Variants in STK39 observed in about 807,000 individuals in gnomAD.
STK39 encodes the protein STE20/SPS1-related proline-alanine-rich protein kinase.
Under a neutral mutation model 77.8 loss-of-function variants are expected in STK39, and 20 were observed. That is an observed-to-expected ratio of 0.26 (90% confidence interval 0.18 to 0.37). The LOEUF (loss-of-function observed/expected upper bound fraction) is 0.37, where lower values mean the gene tolerates loss of function less well. Ranked by LOEUF, STK39 falls within the 10% of genes least tolerant of loss-of-function variation. The pLI, the probability that STK39 is intolerant of heterozygous loss-of-function variation, is 1.00. For synonymous variants in STK39, 246 were observed against 234.1 expected, an observed-to-expected ratio of 1.05 and a Z score of -0.47; for missense variants, 479 against 656.5, an observed-to-expected ratio of 0.73 and a Z score of 2.95.
chr2:168,193,859 G>A (rs1470816029), intron 1 of STK39, among the ~76,000 whole-genome samples: 9 of 152,170 alleles, frequency 5.9e-5, no homozygotes, highest in Non-Finnish European at 1.5e-5. Flanking sequence ...CACATTTTCA[G>A]TTGCTACCAC....
intron 1 of STK39, among the ~76,000 whole-genome samples, chr2:168,200,673 T>C (rs1167099828): frequency 8.8e-6 from 1 of 113,844 alleles, no homozygotes; most frequent in Non-Finnish European, 1.7e-5. Flanking sequence ...CAAGACTCTG[T>C]CTCAAAACAT....
At chr2:168,004,995 C>CTT (rs1684090327) in intron 16 of STK39, among the ~76,000 whole-genome samples, 2 of 123,138 alleles carry the variant, frequency 1.6e-5, no homozygotes, top group African/African-American at 3.1e-5. Flanking sequence ...ACAGAAGGCC[C>CTT]TCTTTTTTTT....
chr2:168,182,732 A>C (rs577797961), intron 1 of STK39, among the ~76,000 whole-genome samples: 1 of 152,232 alleles, frequency 6.6e-6, no homozygotes, highest in African/African-American at 2.4e-5. Flanking sequence ...GTCATTATCC[A>C]TATTTTATAA....
chr2:168,075,560 T>C (rs1376015794), intron 10 of STK39, among the ~76,000 whole-genome samples: 6 of 152,006 alleles, frequency 3.9e-5, no homozygotes. Flanking sequence ...TTAGTTGCCA[T>C]ATACAAAAGG....
intron 12 of STK39, among the ~76,000 whole-genome samples, chr2:168,072,851 G>A (rs143249478): frequency 1.3e-5 from 2 of 152,278 alleles, no homozygotes; most frequent in East Asian, 1.9e-4. Context: ...ATAATCAAAT[G>A]TCAAGGCTGT....
chr2:167,976,292 T>G (rs1260421675), intron 16 of STK39, among the ~76,000 whole-genome samples: 1 of 152,248 alleles, frequency 6.6e-6, no homozygotes, highest in Admixed American at 6.5e-5. Flanking sequence ...TAAAACTGCC[T>G]TTCCAAAAAT....
intron 1 of STK39, among the ~76,000 whole-genome samples, chr2:168,242,558 AAAATATATATATATATAT>A (rs376538158): frequency 0.068 from 4,317 of 63,588 alleles, 441 homozygotes; most frequent in Admixed American, 0.1. Context: ...AAAAAAAAAA[AAAATATATATATATATAT>A]ATATATATAT....
At chr2:168,246,780 C>T (rs970925441) in intron 1 of STK39, among the ~76,000 whole-genome samples, 2 of 152,072 alleles carry the variant, frequency 1.3e-5, no homozygotes, top group Non-Finnish European at 2.9e-5. Context: ...CCGCAGAGTC[C>T]CCCAGGACGC....
At chr2:168,138,321 G>A (rs1687890255) in intron 7 of STK39, 100 bp from the exon 8 acceptor site, 3 of 1,421,728 alleles carry the variant, frequency 2.1e-6, no homozygotes, top group Non-Finnish European at 2.8e-6. Flanking sequence ...TCCTTGATTA[G>A]ATACAAAGTG....
intron 1 of STK39, among the ~76,000 whole-genome samples, chr2:168,221,972 C>T (rs1034818288): frequency 1.3e-5 from 2 of 152,154 alleles, no homozygotes; most frequent in African/African-American, 2.4e-5. Flanking sequence ...AAGTATGGTT[C>T]CACTTTCTCT....
At chr2:168,175,949 A>G (rs1267733890) in intron 2 of STK39, among the ~76,000 whole-genome samples, 2 of 152,238 alleles carry the variant, frequency 1.3e-5, no homozygotes, top group East Asian at 1.9e-4. Flanking sequence ...GCTCAAAACT[A>G]TACTATATTC....
intron 2 of STK39, 64 bp from the exon 3 acceptor site, chr2:168,167,471 G>T (rs1315297304): frequency 3.5e-6 from 5 of 1,426,370 alleles, no homozygotes; most frequent in Non-Finnish European, 4.9e-6. Flanking sequence ...AAACACAAGT[G>T]AATCACAGTT....
intron 10 of STK39, among the ~76,000 whole-genome samples, chr2:168,091,227 G>T (rs1396955956): frequency 6.6e-6 from 1 of 151,828 alleles, no homozygotes; most frequent in Non-Finnish European, 1.5e-5. Flanking sequence ...AGACTGAAGG[G>T]TCTGATTCCA....
chr2:168,011,787 GC>G (rs769449810), intron 16 of STK39, among the ~76,000 whole-genome samples: 14 of 152,224 alleles, frequency 9.2e-5, no homozygotes, highest in Non-Finnish European at 1.9e-4. Context: ...AAATTCTTCT[GC>G]CACAACCCAG....
chr2:168,061,309 G>A (rs1207675882), intron 14 of STK39, among the ~76,000 whole-genome samples: 2 of 150,234 alleles, frequency 1.3e-5, no homozygotes, highest in African/African-American at 4.9e-5. Context: ...CTGGAATCCT[G>A]TATTTAAATA....
chr2:168,107,809 G>A (rs751577794), intron 10 of STK39, among the ~76,000 whole-genome samples: 5 of 152,190 alleles, frequency 3.3e-5, no homozygotes, highest in Non-Finnish European at 7.3e-5. Flanking sequence ...CATAGTGACT[G>A]TGTCCTCTGA....
chr2:168,153,090 A>C (rs1688333501), intron 5 of STK39, among the ~76,000 whole-genome samples: 1 of 152,228 alleles, frequency 6.6e-6, no homozygotes, highest in South Asian at 2.1e-4. Flanking sequence ...TCTTCAAAGA[A>C]TCTGCAGATT....
chr2:168,022,603 T>C (rs1684597715), intron 14 of STK39, among the ~76,000 whole-genome samples: 1 of 152,234 alleles, frequency 6.6e-6, no homozygotes, highest in African/African-American at 2.4e-5. Flanking sequence ...GTTTTAATTG[T>C]TGATACTAAT....
chr2:168,091,040 C>T (rs1230259432), intron 10 of STK39, among the ~76,000 whole-genome samples: 2 of 152,010 alleles, frequency 1.3e-5, no homozygotes, highest in Admixed American at 6.6e-5. Flanking sequence ...AGCAAACAGA[C>T]CCATGTTGGT....
Sources: gnomAD v4.1 joint callset for allele counts (sites outside exome capture counted in the v4.1 genomes callset) on GRCh38, gnomAD v4.1.1 for gene constraint, MANE v1.5 for transcripts, NCBI Gene and HGNC (gene_info 2026-07-23, HGNC 2026-07-21) for gene names.